The following STARD13 variants were observed in gnomAD, a reference collection of about 807,000 sequenced individuals.
STARD13 encodes StAR related lipid transfer domain containing 13.
In STARD13, 62 loss-of-function variants were observed where a neutral mutation model predicts 106.4. The observed-to-expected ratio is 0.58, with a 90% CI of 0.48 to 0.72. STARD13 has a LOEUF of 0.72. Among genes scored for constraint, STARD13 ranks in the 30% least tolerant of loss-of-function variants. The pLI is 0.00. For synonymous variants in STARD13, 565 were observed against 553.0 expected (o/e 1.02, Z -0.31); for missense variants, 1,387 against 1,424.0 (o/e 0.97, Z 0.42).
At chr13:33,605,499 C>T in the STARD13 span, among the ~76,000 whole-genome samples, 1 of 151,680 alleles carries the variant, frequency 6.6e-6, no homozygotes, top group South Asian at 2.1e-4. Flanking sequence ...AAATTATGTG[C>T]TTGGATGCTG....
the STARD13 span, among the ~76,000 whole-genome samples, chr13:33,549,458 G>A: frequency 6.6e-5 from 10 of 152,170 alleles, no homozygotes; most frequent in South Asian, 2.1e-4. Flanking sequence ...AACTCTGAGG[G>A]TGAAGCCCAG....
the STARD13 span, among the ~76,000 whole-genome samples, chr13:33,390,056 AT>A: frequency 6.6e-6 from 1 of 152,282 alleles, no homozygotes; most frequent in East Asian, 1.9e-4. Flanking sequence ...GCAAAATTTC[AT>A]ACCGTCATTG....
At chr13:33,232,771 C>T (rs1347545738) in intron 1 of STARD13, among the ~76,000 whole-genome samples, 3 of 152,220 alleles carry the variant, frequency 2.0e-5, no homozygotes, top group African/African-American at 7.2e-5. Context: ...TCAACCCTCA[C>T]TCAAGGGAAT....
At chr13:33,641,311 G>A in the STARD13 span, among the ~76,000 whole-genome samples, 1 of 151,138 alleles carries the variant, frequency 6.6e-6, no homozygotes, top group Non-Finnish European at 1.5e-5. Context: ...AAACTCCTGA[G>A]CTCAAATGAT....
intron 7 of STARD13, among the ~76,000 whole-genome samples, chr13:33,124,938 T>G (rs1306827029): frequency 6.6e-6 from 1 of 152,154 alleles, no homozygotes; most frequent in Admixed American, 6.5e-5. Context: ...TCCCACCCTC[T>G]GCGATGACAT....
At chr13:33,372,889 A>G in the STARD13 span, among the ~76,000 whole-genome samples, 1 of 152,120 alleles carries the variant, frequency 6.6e-6, no homozygotes, top group East Asian at 1.9e-4. Context: ...AATGTCCACT[A>G]GCTTTTCTCA....
At chr13:33,117,195 G>A (rs560842083) in intron 8 of STARD13, among the ~76,000 whole-genome samples, 25 of 152,094 alleles carry the variant, frequency 1.6e-4, no homozygotes, top group South Asian at 4.2e-4. Flanking sequence ...TGCAACCTCC[G>A]TCTCCTGGGT....
intron 2 of STARD13, 142 bp downstream of exon 2, chr13:33,167,409 A>G: frequency 1.4e-6 from 1 of 727,004 alleles, no homozygotes; most frequent in Non-Finnish European, 2.3e-6. Flanking sequence ...ACCCCTGGGC[A>G]TAGCAAAAAG....
the STARD13 span, among the ~76,000 whole-genome samples, chr13:33,509,733 T>C: frequency 2.6e-5 from 4 of 152,108 alleles, no homozygotes; most frequent in Admixed American, 6.6e-5. Flanking sequence ...AACAGATCTG[T>C]CAGGAGAGGC....
At chr13:33,238,518 A>T (rs1386648620) in intron 1 of STARD13, among the ~76,000 whole-genome samples, 1 of 152,160 alleles carries the variant, frequency 6.6e-6, no homozygotes, top group Non-Finnish European at 1.5e-5. Flanking sequence ...ATGTTTAGTA[A>T]GAAACAGACT....
At chr13:33,524,812 A>T in the STARD13 span, among the ~76,000 whole-genome samples, 24 of 152,100 alleles carry the variant, frequency 1.6e-4, no homozygotes, top group Non-Finnish European at 1.9e-4. Flanking sequence ...AATCAAGCTA[A>T]TTAACATATG....
chr13:33,409,114 A>G, the STARD13 span, among the ~76,000 whole-genome samples: 1 of 152,038 alleles, frequency 6.6e-6, no homozygotes, highest in Non-Finnish European at 1.5e-5. Flanking sequence ...AGCTCTATGA[A>G]GTCAAGACTT....
At chr13:33,325,274 A>G (rs2077761289) in intron 1 of STARD13, among the ~76,000 whole-genome samples, 1 of 152,210 alleles carries the variant, frequency 6.6e-6, no homozygotes. Flanking sequence ...ATCAAATCCT[A>G]AAATGGCTGG....
the STARD13 span, among the ~76,000 whole-genome samples, chr13:33,676,251 G>C: frequency 6.6e-6 from 1 of 152,184 alleles, no homozygotes; most frequent in Non-Finnish European, 1.5e-5. Context: ...TCAGGATAAA[G>C]TCCTGCGGAT....
intron 3 of STARD13, among the ~76,000 whole-genome samples, chr13:33,160,456 A>T (rs1302522782): frequency 6.6e-6 from 1 of 152,182 alleles, no homozygotes; most frequent in Non-Finnish European, 1.5e-5. Flanking sequence ...CAGAAAAATT[A>T]AAAACTTTTG....
intron 3 of STARD13, among the ~76,000 whole-genome samples, chr13:33,159,490 G>A (rs1008996576): frequency 1.3e-5 from 2 of 152,176 alleles, no homozygotes; most frequent in African/African-American, 4.8e-5. Context: ...ATATCATCCT[G>A]TAAATAGAAC....
intron 1 of STARD13, among the ~76,000 whole-genome samples, chr13:33,210,524 T>G (rs966618168): frequency 2.0e-5 from 3 of 152,220 alleles, no homozygotes; most frequent in African/African-American, 4.8e-5. Context: ...AGTGCGTTAA[T>G]GTACATAAAA....
chr13:33,255,132 G>A (rs907090602), intron 1 of STARD13, among the ~76,000 whole-genome samples: 5 of 151,678 alleles, frequency 3.3e-5, no homozygotes, highest in Admixed American at 6.6e-5. Flanking sequence ...CAGGTTCAGA[G>A]ACCGAGCAGG....
rs183355854 is a variant in STARD13 at position 33,183,593 on chromosome 13, C to T, written c.170-15971G>A. ...CTGTGGTTGGGCTGAGTGCCAGACC[C>T]CAGCCTTAATCAATAACAAGAAATC... On this transcript the variant is annotated intron_variant, in intron 1 of 13. Transcript: ENST00000336934. 4.6e-5 allele frequency among the ~76,000 whole-genome samples: 7 copies of T among 152,282 alleles called. No individual in the cohort carries two copies. In the East Asian group the frequency reaches 1.4e-3, roughly 29 times the overall value.
Sources: gnomAD v4.1 joint callset for allele counts (sites outside exome capture counted in the v4.1 genomes callset) on GRCh38, gnomAD v4.1.1 for gene constraint, MANE v1.5 for transcripts, NCBI Gene and HGNC (gene_info 2026-07-23, HGNC 2026-07-21) for gene names.